Variants in DPP6 observed in about 807,000 individuals in gnomAD.
DPP6 encodes A-type potassium channel modulatory protein DPP6.
A neutral mutation model predicts 122.6 loss-of-function variants in DPP6; 69 were observed. The observed-to-expected ratio is 0.56, with a 90% CI of 0.46 to 0.69. The LOEUF (loss-of-function observed/expected upper bound fraction) is 0.69. Among genes scored for constraint, DPP6 ranks in the 30% least tolerant of loss-of-function variants. DPP6 has a pLI of 0.00. For synonymous variants in DPP6, 418 were observed against 433.1 expected, an observed-to-expected ratio of 0.97 and a Z score of 0.43; for missense variants, 928 against 1,116.9, an observed-to-expected ratio of 0.83 and a Z score of 2.41.
rs533070712 is a variant in DPP6, at chr7:154,220,731, G to T, written c.243+167668G>T. Among the ~76,000 whole-genome samples, 4 of 152,278 alleles carry T rather than the reference G, an allele frequency of 2.6e-5. No homozygotes were observed. The South Asian group carries it at 8.3e-4, about 32-fold the overall frequency. On this transcript the variant is annotated intron_variant, in intron 1 of 25. Transcript: ENST00000377770. ...ATTCCTGTTTTTTCTAAAGTACCCA[G>T]TTTCAGGTATGTTGTTATAGCAGCA...
intron 22 of DPP6, among the ~76,000 whole-genome samples, chr7:154,886,318 A>G (rs1244819514): frequency 6.6e-6 from 1 of 152,212 alleles, no homozygotes; most frequent in Non-Finnish European, 1.5e-5. Context: ...ATGGCTCTCC[A>G]TGAGCACAAG....
rs1169382480 is a variant in DPP6 at position 153,983,433 on chromosome 7, G to T, written c.51+95699G>T. 2.6e-5 allele frequency among the ~76,000 whole-genome samples: 4 copies of T among 152,232 alleles called. No homozygotes were observed. The East Asian group carries it at 7.7e-4, about 29-fold the overall frequency. On this transcript the variant is annotated intron_variant, in intron 1 of 25. Coordinates refer to the DPP6 transcript ENST00000404039. Reference sequence around the variant, plus strand: ...GAGCATCCCAGGTCAACTTCAGACGGCTGTGCTGGCAGCCAGAACTTTAAG... The same window carrying T: ...GAGCATCCCAGGTCAACTTCAGACGTCTGTGCTGGCAGCCAGAACTTTAAG...
intron 1 of DPP6, among the ~76,000 whole-genome samples, chr7:154,369,417 G>C (rs1812454981): frequency 6.6e-6 from 1 of 152,016 alleles, no homozygotes; most frequent in Non-Finnish European, 1.5e-5. Flanking sequence ...ACCCAGGCTG[G>C]AGTGAAATGG....
chr7:154,876,395 C>G, intron 20 of DPP6: 2 of 348,154 alleles, frequency 5.7e-6, no homozygotes, highest in Non-Finnish European at 1.0e-5. Context: ...GCTGTGGTCA[C>G]TGACCCGGGC....
the DPP6 span, among the ~76,000 whole-genome samples, chr7:153,758,860 A>G: frequency 1.5e-3 from 215 of 145,062 alleles, no homozygotes; most frequent in African/African-American, 6.0e-3. Flanking sequence ...ATATGGACAT[A>G]TGCTTACACT....
chr7:154,362,821 G>A (rs1811842005), intron 1 of DPP6, among the ~76,000 whole-genome samples: 1 of 152,168 alleles, frequency 6.6e-6, no homozygotes, highest in Non-Finnish European at 1.5e-5. Flanking sequence ...GCCATTCAAG[G>A]CCACCTGGGC....
intron 1 of DPP6, among the ~76,000 whole-genome samples, chr7:153,981,450 T>G (rs1796581159): frequency 6.6e-6 from 1 of 152,212 alleles, no homozygotes; most frequent in Non-Finnish European, 1.5e-5. Flanking sequence ...GCATGTGAAG[T>G]GGGTCTCCTG....
the DPP6 span, among the ~76,000 whole-genome samples, chr7:153,869,880 T>C: frequency 1.3e-5 from 2 of 152,206 alleles, no homozygotes; most frequent in African/African-American, 2.4e-5. Flanking sequence ...TGCTTGTCTG[T>C]AAAGTATTTT....
intron 1 of DPP6, among the ~76,000 whole-genome samples, chr7:153,948,447 G>A (rs910412698): frequency 6.6e-6 from 1 of 152,046 alleles, no homozygotes; most frequent in Non-Finnish European, 1.5e-5. Context: ...AGGAAAACCA[G>A]CAAGCCCACA....
intron 3 of DPP6, among the ~76,000 whole-genome samples, chr7:154,530,124 CAAAAG>C (rs1827721172): frequency 8.0e-6 from 1 of 125,700 alleles, no homozygotes; most frequent in Non-Finnish European, 1.7e-5. Flanking sequence ...GACTCTGTCT[CAAAAG>C]AAAAAAAAAA....
At chr7:154,706,974 G>A (rs1259567133) in intron 7 of DPP6, among the ~76,000 whole-genome samples, 3 of 152,210 alleles carry the variant, frequency 2.0e-5, no homozygotes, top group Admixed American at 2.0e-4. Context: ...GTACTTTCTG[G>A]TAGGAAGAGC....
chr7:154,504,405 C>G (rs1825506606), intron 3 of DPP6, among the ~76,000 whole-genome samples: 1 of 152,132 alleles, frequency 6.6e-6, no homozygotes, highest in African/African-American at 2.4e-5. Context: ...GTAAATTTAG[C>G]TGCCTGTCAT....
the DPP6 span, among the ~76,000 whole-genome samples, chr7:153,770,821 T>C: frequency 6.6e-6 from 1 of 152,160 alleles, no homozygotes; most frequent in Non-Finnish European, 1.5e-5. Flanking sequence ...AAAATGAATA[T>C]AAATGTGGAT....
the DPP6 span, among the ~76,000 whole-genome samples, chr7:153,765,614 T>A: frequency 6.6e-6 from 1 of 152,084 alleles, no homozygotes; most frequent in African/African-American, 2.4e-5. Context: ...CAGTGCTATC[T>A]ACATTCAGGG....
chr7:153,901,810 C>A (rs974376047), intron 1 of DPP6, among the ~76,000 whole-genome samples: 1 of 152,078 alleles, frequency 6.6e-6, no homozygotes, highest in African/African-American at 2.4e-5. Context: ...CATGGTCTTG[C>A]CACAAGTGCA....
At chr7:153,846,977 G>A in the DPP6 span, among the ~76,000 whole-genome samples, 144 of 152,128 alleles carry the variant, frequency 9.5e-4, no homozygotes, top group Non-Finnish European at 1.7e-3. Flanking sequence ...ATGAGCCACC[G>A]TGCCTGGCTG....
chr7:154,537,814 T>A (rs909897934), intron 3 of DPP6, among the ~76,000 whole-genome samples: 7 of 151,926 alleles, frequency 4.6e-5, no homozygotes, highest in Non-Finnish European at 8.8e-5. Flanking sequence ...AGCAAAAGTC[T>A]TGTACATTTT....
At chr7:153,807,655 G>A in the DPP6 span, among the ~76,000 whole-genome samples, 492 of 151,944 alleles carry the variant, frequency 3.2e-3, 10 homozygotes, top group African/African-American at 0.011. Flanking sequence ...GGAATGTTGT[G>A]ATGAATTATT....
chr7:153,823,417 A>G, the DPP6 span, among the ~76,000 whole-genome samples: 13 of 144,842 alleles, frequency 9.0e-5, 1 homozygote, highest in Admixed American at 8.9e-4. Flanking sequence ...AATGGAAGTC[A>G]GGGGTGCGAG....
Sources: allele counts gnomAD v4.1 joint callset (sites outside exome capture counted in the v4.1 genomes callset), GRCh38; gene constraint gnomAD v4.1.1; transcripts MANE v1.5; gene names NCBI Gene and HGNC (gene_info 2026-07-23, HGNC 2026-07-21).